CCDC171: variants seen among roughly 807,000 people sequenced by gnomAD.
The protein encoded by CCDC171 is coiled-coil domain-containing protein 171.
A neutral mutation model predicts 168.2 loss-of-function variants in CCDC171; 177 were observed. The observed-to-expected ratio is 1.05, with a 90% confidence interval of 0.93 to 1.19. CCDC171 has a LOEUF of 1.19. Ranked by LOEUF, CCDC171 falls within the 50% of genes most tolerant of loss-of-function variation. CCDC171 has a pLI of 0.00. For synonymous variants in CCDC171, 687 were observed against 540.8 expected (o/e 1.27, Z -3.75); for missense variants, 1,991 against 1,539.0 (o/e 1.29, Z -4.91).
chr9:15,948,221 A>G (rs1828675793), intron 25 of CCDC171, among the ~76,000 whole-genome samples: 2 of 150,526 alleles, frequency 1.3e-5, no homozygotes, highest in Admixed American at 1.3e-4. Context: ...AATCCAGTCT[A>G]TCGTTGTTGG....
At chr9:15,869,513 G>GTTTTTTTTT (rs72548935) in intron 23 of CCDC171, among the ~76,000 whole-genome samples, 1 of 147,978 alleles carries the variant, frequency 6.8e-6, no homozygotes. Context: ...AAAGCGTAGT[G>GTTTTTTTTT]TTTTTTTTTT....
At chr9:15,804,316 A>C (rs2058973087) in intron 21 of CCDC171, among the ~76,000 whole-genome samples, 1 of 152,102 alleles carries the variant, frequency 6.6e-6, no homozygotes, top group Non-Finnish European at 1.5e-5. Flanking sequence ...GTTGGTTTTC[A>C]AGAGGGAATG....
At chr9:15,819,355 A>C (rs1250065090) in intron 21 of CCDC171, among the ~76,000 whole-genome samples, 1 of 117,470 alleles carries the variant, frequency 8.5e-6, no homozygotes, top group Non-Finnish European at 1.9e-5. Context: ...ATTAACCTTA[A>C]ATGTAAATGG....
intron 6 of CCDC171, among the ~76,000 whole-genome samples, chr9:15,605,684 C>CAA (rs71325924): frequency 8.2e-6 from 1 of 121,506 alleles, no homozygotes; most frequent in Non-Finnish European, 1.7e-5. Flanking sequence ...GAGACTCTGT[C>CAA]AAAAAAAAAA....
chr9:15,801,003 G>C (rs1247751043), intron 21 of CCDC171, among the ~76,000 whole-genome samples: 1 of 152,000 alleles, frequency 6.6e-6, no homozygotes, highest in Admixed American at 6.6e-5. Context: ...TGCTGTTTTG[G>C]TTGCTGTAAA....
At chr9:15,886,221 A>T (rs578244911) in intron 24 of CCDC171, 39 of 152,332 alleles carry the variant, frequency 2.6e-4, no homozygotes, top group African/African-American at 8.2e-4. Flanking sequence ...AAAACTATTT[A>T]TAAACTGTAT....
chr9:15,695,016 G>C (rs934796057), intron 10 of CCDC171, among the ~76,000 whole-genome samples: 1 of 152,190 alleles, frequency 6.6e-6, no homozygotes, highest in East Asian at 1.9e-4. Context: ...ACTTAGAATA[G>C]TGCCAGGCAC....
chr9:16,108,298 T>C, the CCDC171 span, among the ~76,000 whole-genome samples: 1 of 152,238 alleles, frequency 6.6e-6, no homozygotes, highest in East Asian at 1.9e-4. Context: ...AATGATCCAG[T>C]AACTCAAACA....
intron 25 of CCDC171, among the ~76,000 whole-genome samples, chr9:15,931,004 A>G (rs1403404428): frequency 6.6e-6 from 1 of 151,614 alleles, no homozygotes; most frequent in Non-Finnish European, 1.5e-5. Context: ...TCTAATATAC[A>G]ACATTTTACT....
chr9:15,595,196 G>C (rs138281628), intron 6 of CCDC171, among the ~76,000 whole-genome samples: 161 of 151,794 alleles, frequency 1.1e-3, no homozygotes, highest in Middle Eastern at 3.4e-3. Flanking sequence ...TGTGCACAGC[G>C]TGCAGGTTTG....
chr9:15,629,551 TG>T (rs1232704888), intron 7 of CCDC171, among the ~76,000 whole-genome samples: 1 of 152,206 alleles, frequency 6.6e-6, no homozygotes, highest in Non-Finnish European at 1.5e-5. Context: ...CTACGTCTGA[TG>T]GGTGTACCTG....
chr9:15,676,569 A>G (rs571726089), intron 9 of CCDC171, among the ~76,000 whole-genome samples: 2 of 152,138 alleles, frequency 1.3e-5, no homozygotes, highest in Admixed American at 1.3e-4. Flanking sequence ...CCCTGTACAC[A>G]GTCACCCAAG....
At chr9:15,757,185 G>A (rs538002577) in intron 18 of CCDC171, among the ~76,000 whole-genome samples, 9 of 152,302 alleles carry the variant, frequency 5.9e-5, no homozygotes, top group East Asian at 3.9e-4. Context: ...AAGAAGACAC[G>A]AAAATGTGGG....
At chr9:16,105,812 G>A in the CCDC171 span, among the ~76,000 whole-genome samples, 4 of 152,212 alleles carry the variant, frequency 2.6e-5, no homozygotes, top group African/African-American at 9.6e-5. Flanking sequence ...GGCACCAAAT[G>A]TATGTATCAC....
chr9:15,670,462 C>T lies in CCDC171; in HGVS notation c.1076+4139C>T, dbSNP rs189582660. ...CATTGCTCTCTACTATCAGTTTCTA[C>T]TCCTTTGATGCATCTACTTTCAAAT... On this transcript the variant is annotated intron_variant, in intron 9 of 25. Coordinates refer to ENST00000380701, the MANE Select transcript of CCDC171 (RefSeq NM_173550.4). 3.3e-5 allele frequency among the ~76,000 whole-genome samples: 5 copies of T among 152,256 alleles called. No homozygotes were observed. In the South Asian group the frequency reaches 1.0e-3, roughly 32 times the overall value.
intron 25 of CCDC171, among the ~76,000 whole-genome samples, chr9:15,949,714 A>T (rs1372185876): frequency 1.3e-5 from 2 of 152,056 alleles, no homozygotes; most frequent in African/African-American, 4.8e-5. Flanking sequence ...GGCTGAGACG[A>T]TGGGGTTTTC....
chr9:15,631,011 C>T (rs1342687340), intron 7 of CCDC171, among the ~76,000 whole-genome samples: 2 of 152,008 alleles, frequency 1.3e-5, no homozygotes, highest in Admixed American at 1.3e-4. Flanking sequence ...CTCTGGGACA[C>T]ATTCAAAGCA....
At chr9:15,600,977 T>G (rs1271350250) in intron 6 of CCDC171, among the ~76,000 whole-genome samples, 2 of 152,144 alleles carry the variant, frequency 1.3e-5, no homozygotes, top group Non-Finnish European at 2.9e-5. Flanking sequence ...TTGCTAAGAC[T>G]GTTGGAAAAG....
intron 6 of CCDC171, among the ~76,000 whole-genome samples, chr9:16,028,002 A>C (rs1046944651): frequency 3.3e-5 from 5 of 152,242 alleles, no homozygotes; most frequent in African/African-American, 1.2e-4. Flanking sequence ...TGGTATACTT[A>C]GCTTATCCCT....
Sources: allele counts gnomAD v4.1 joint callset (sites outside exome capture counted in the v4.1 genomes callset), GRCh38; gene constraint gnomAD v4.1.1; transcripts MANE v1.5; gene names NCBI Gene and HGNC (gene_info 2026-07-23, HGNC 2026-07-21).